The following MACROD2 variants were observed in gnomAD, a reference collection of about 807,000 sequenced individuals.
MACROD2 encodes the protein ADP-ribose glycohydrolase MACROD2.
Under a neutral mutation model 70.4 loss-of-function variants are expected in MACROD2, and 36 were observed. The observed-to-expected ratio is 0.51, with a 90% CI of 0.39 to 0.68. The LOEUF is 0.68. MACROD2 is among the 30% of genes least tolerant of loss of function. The pLI is 0.00. For synonymous variants in MACROD2, 172 were observed against 178.8 expected (o/e 0.96, Z 0.30); for missense variants, 496 against 538.4 (o/e 0.92, Z 0.78).
At chr20:14,987,384 T>C (rs998328122) in intron 5 of MACROD2, among the ~76,000 whole-genome samples, 4 of 152,186 alleles carry the variant, frequency 2.6e-5, no homozygotes, top group African/African-American at 7.2e-5. Flanking sequence ...CTATTATTAC[T>C]GGGATTGTTG....
intron 8 of MACROD2, among the ~76,000 whole-genome samples, chr20:15,811,145 C>T (rs1466151117): frequency 2.6e-5 from 4 of 152,148 alleles, no homozygotes; most frequent in African/African-American, 9.7e-5. Flanking sequence ...TCAGAGTGAA[C>T]AGGCAACCCA....
chr20:14,800,196 A>T (rs1041863109), intron 5 of MACROD2, among the ~76,000 whole-genome samples: 1 of 152,076 alleles, frequency 6.6e-6, no homozygotes, highest in East Asian at 1.9e-4. Context: ...CATCTTGCAC[A>T]AGAAGGCGAG....
At chr20:15,303,566 GCTAA>G (rs1417608905) in intron 6 of MACROD2, among the ~76,000 whole-genome samples, 1 of 152,108 alleles carries the variant, frequency 6.6e-6, no homozygotes, top group Non-Finnish European at 1.5e-5. Flanking sequence ...AATCAAAATA[GCTAA>G]CTAACCAGTT....
intron 4 of MACROD2, among the ~76,000 whole-genome samples, chr20:14,543,515 A>G (rs2085457522): frequency 6.6e-6 from 1 of 152,196 alleles, no homozygotes; most frequent in Admixed American, 6.5e-5. Flanking sequence ...CATAGTTTTT[A>G]AAATAATTGG....
rs186840919 is a variant in MACROD2 at position 14,502,588 on chromosome 20, T to C, written c.301+9080T>C. Among the ~76,000 whole-genome samples, 143 of 152,342 alleles carry C rather than the reference T, an allele frequency of 9.4e-4. 1 individual carries two copies. The highest frequency in any genetic ancestry group is 3.9e-4 in the East Asian group (2 of 5,186). On this transcript the variant is annotated intron_variant, in intron 4 of 17. Transcript: ENST00000684519. The stretch of plus-strand genomic sequence containing the variant: ...ACTAATTGCCCACTGTAAAATGTTG[T>C]TGAACTACAAAGTGTTAGATAAATG...
chr20:15,808,008 C>T (rs1475448849), intron 8 of MACROD2, among the ~76,000 whole-genome samples: 2 of 152,244 alleles, frequency 1.3e-5, no homozygotes, highest in Non-Finnish European at 2.9e-5. Flanking sequence ...GGATCCCTGT[C>T]CTGTTCTGTT....
chr20:15,581,043 C>T (rs2048516865), intron 8 of MACROD2, among the ~76,000 whole-genome samples: 1 of 152,132 alleles, frequency 6.6e-6, no homozygotes, highest in Non-Finnish European at 1.5e-5. Context: ...CCAGACATGA[C>T]TGTTTTCTTC....
At chr20:14,939,972 AT>A (rs2074375513) in intron 5 of MACROD2, among the ~76,000 whole-genome samples, 1 of 151,878 alleles carries the variant, frequency 6.6e-6, no homozygotes, top group African/African-American at 2.4e-5. Context: ...ACTTTACGGA[AT>A]TTGTTTATCA....
intron 8 of MACROD2, among the ~76,000 whole-genome samples, chr20:15,580,852 A>G (rs1568907377): frequency 6.6e-6 from 1 of 152,120 alleles, no homozygotes; most frequent in Non-Finnish European, 1.5e-5. Flanking sequence ...TTAGTAAATG[A>G]TTTTTAGGGG....
rs997795043 is a variant in MACROD2, at chr20:14,615,388, C to CA, written c.302-69447dup. Among the ~76,000 whole-genome samples, 179 of 151,778 alleles carry CA rather than the reference C, an allele frequency of 1.2e-3. 1 individual carries two copies. The highest frequency in any genetic ancestry group is 2.0e-3 in the Admixed American group (30 of 15,252). ...TCACATGCAACAAGAGATAAACGAA[C>CA]AAAAAAAATTATCCTGGCTAAAAGA... On this transcript the variant is annotated intron_variant, in intron 4 of 17. Transcript: ENST00000684519.
At chr20:14,186,291 G>A (rs148117832) in intron 3 of MACROD2, among the ~76,000 whole-genome samples, 11 of 152,158 alleles carry the variant, frequency 7.2e-5, no homozygotes, top group African/African-American at 1.9e-4. Flanking sequence ...TTTACTTGGT[G>A]GTTAAGGAAT....
chr20:14,621,013 A>G (rs979854482), intron 4 of MACROD2, among the ~76,000 whole-genome samples: 1 of 152,094 alleles, frequency 6.6e-6, no homozygotes. Flanking sequence ...AGTCCTGAAA[A>G]TTAGACAGAG....
chr20:14,869,497 G>A (rs2073464377), intron 5 of MACROD2, among the ~76,000 whole-genome samples: 1 of 152,162 alleles, frequency 6.6e-6, no homozygotes, highest in African/African-American at 2.4e-5. Context: ...GCAGTGCTGT[G>A]AAAGGTGATT....
chr20:14,664,377 AC>A (rs1243234891), intron 4 of MACROD2, among the ~76,000 whole-genome samples: 1 of 152,114 alleles, frequency 6.6e-6, no homozygotes, highest in African/African-American at 2.4e-5. Context: ...TTCACATGGC[AC>A]CTTTTACAGA....
chr20:14,370,326 A>T (rs965871937), intron 3 of MACROD2, among the ~76,000 whole-genome samples: 1 of 152,208 alleles, frequency 6.6e-6, no homozygotes, highest in African/African-American at 2.4e-5. Context: ...TAAATAAAAG[A>T]AAAAGGTAGC....
intron 5 of MACROD2, among the ~76,000 whole-genome samples, chr20:15,134,292 G>A (rs888974810): frequency 6.6e-6 from 1 of 150,620 alleles, no homozygotes; most frequent in Non-Finnish European, 1.5e-5. Context: ...GGGAGGCCGA[G>A]GCGGGCGGAT....
At chr20:15,900,658 C>T (rs540346843) in intron 10 of MACROD2, among the ~76,000 whole-genome samples, 2 of 152,274 alleles carry the variant, frequency 1.3e-5, no homozygotes, top group African/African-American at 2.4e-5. Context: ...TGACTGGGAA[C>T]GATCCCAATT....
intron 8 of MACROD2, among the ~76,000 whole-genome samples, chr20:15,528,904 T>C (rs1452205924): frequency 6.6e-6 from 1 of 152,206 alleles, no homozygotes; most frequent in Admixed American, 6.5e-5. Context: ...GCATTCTCTC[T>C]TCTCTGAATT....
chr20:14,554,831 G>A (rs1308430923), intron 4 of MACROD2, among the ~76,000 whole-genome samples: 1 of 151,992 alleles, frequency 6.6e-6, no homozygotes, highest in African/African-American at 2.4e-5. Flanking sequence ...AAGTATACTT[G>A]AAATCTGATC....
Sources: allele counts gnomAD v4.1 joint callset (sites outside exome capture counted in the v4.1 genomes callset), GRCh38; gene constraint gnomAD v4.1.1; transcripts MANE v1.5; gene names NCBI Gene and HGNC (gene_info 2026-07-23, HGNC 2026-07-21).